The following ZCCHC7 variants were observed in gnomAD, a reference collection of about 807,000 sequenced individuals.
ZCCHC7 encodes zinc finger CCHC domain-containing protein 7.
ZCCHC7 carries 35 observed loss-of-function variants against 52.0 expected under a neutral mutation model. That is an observed-to-expected ratio of 0.67 (90% CI 0.51 to 0.89). The LOEUF is 0.89. ZCCHC7 is among the 40% of genes least tolerant of loss of function. The pLI is 0.00. For synonymous variants in ZCCHC7, 217 were observed against 221.5 expected (o/e 0.98, Z 0.18); for missense variants, 574 against 649.1 (o/e 0.88, Z 1.26).
At chr9:37,239,567 G>A (rs1056389730) in intron 2 of ZCCHC7, among the ~76,000 whole-genome samples, 1 of 152,102 alleles carries the variant, frequency 6.6e-6, no homozygotes, top group Non-Finnish European at 1.5e-5. Context: ...AAAACAGCAG[G>A]TATATCTCAG....
At chr9:37,236,679 C>T (rs552610455) in intron 2 of ZCCHC7, among the ~76,000 whole-genome samples, 1 of 152,314 alleles carries the variant, frequency 6.6e-6, no homozygotes, top group South Asian at 2.1e-4. Flanking sequence ...CAGGCGTGAG[C>T]CACTGCACCC....
intron 2 of ZCCHC7, among the ~76,000 whole-genome samples, chr9:37,208,199 C>T (rs1824024129): frequency 6.6e-6 from 1 of 152,156 alleles, no homozygotes; most frequent in Admixed American, 6.5e-5. Flanking sequence ...ATCCTCCCAC[C>T]TCATCCCCTC....
At chr9:37,269,636 A>AAC (rs1554721760) in intron 2 of ZCCHC7, among the ~76,000 whole-genome samples, 1 of 148,404 alleles carries the variant, frequency 6.7e-6, no homozygotes, top group African/African-American at 2.4e-5. Context: ...AAAAAAAAAA[A>AAC]AAAAAAAAAA....
At chr9:37,305,792 ACTAT>A in intron 5 of ZCCHC7, 78 bp downstream of exon 5, 1 of 1,487,970 alleles carries the variant, frequency 6.7e-7, no homozygotes, top group Non-Finnish European at 9.3e-7. Flanking sequence ...CAAGTTTATA[ACTAT>A]CAGTCAGCAT....
intron 2 of ZCCHC7, among the ~76,000 whole-genome samples, chr9:37,195,657 G>T (rs1456413048): frequency 6.6e-6 from 1 of 152,160 alleles, no homozygotes; most frequent in African/African-American, 2.4e-5. Flanking sequence ...CAGAAGAATA[G>T]ATAGGGAGAA....
At chr9:37,209,615 C>T (rs1824106214) in intron 2 of ZCCHC7, among the ~76,000 whole-genome samples, 1 of 152,104 alleles carries the variant, frequency 6.6e-6, no homozygotes, top group African/African-American at 2.4e-5. Context: ...TTTCACTCTA[C>T]CTGTTAAAGA....
chr9:37,250,225 G>A (rs1826262591), intron 2 of ZCCHC7, among the ~76,000 whole-genome samples: 1 of 151,594 alleles, frequency 6.6e-6, no homozygotes, highest in African/African-American at 2.4e-5. Context: ...CCTTGTCCCA[G>A]TTTGTCCAGG....
chr9:37,199,486 C>G (rs1823482000), intron 2 of ZCCHC7, among the ~76,000 whole-genome samples: 1 of 151,344 alleles, frequency 6.6e-6, no homozygotes, highest in African/African-American at 2.4e-5. Context: ...CATACACCAC[C>G]ACGCCCAGTT....
chr9:37,142,476 T>TA (rs951300205), intron 2 of ZCCHC7, among the ~76,000 whole-genome samples: 16 of 151,776 alleles, frequency 1.1e-4, no homozygotes, highest in African/African-American at 3.9e-4. Flanking sequence ...TACCAAGAAA[T>TA]AAATAGCATC....
At chr9:37,207,652 TC>T (rs1272415900) in intron 2 of ZCCHC7, among the ~76,000 whole-genome samples, 1 of 151,902 alleles carries the variant, frequency 6.6e-6, no homozygotes, top group African/African-American at 2.4e-5. Flanking sequence ...AAAAAAAAAA[TC>T]GATTTTCTGT....
chr9:37,194,585 A>C (rs1176051139), intron 2 of ZCCHC7, among the ~76,000 whole-genome samples: 1 of 152,160 alleles, frequency 6.6e-6, no homozygotes, highest in East Asian at 1.9e-4. Flanking sequence ...ATTGTGCCTT[A>C]AGCTTAAGTG....
intron 2 of ZCCHC7, among the ~76,000 whole-genome samples, chr9:37,254,564 G>A (rs1189998117): frequency 6.6e-6 from 1 of 151,858 alleles, no homozygotes; most frequent in African/African-American, 2.4e-5. Flanking sequence ...GAAGGTTTGG[G>A]TTTAAGCCCG....
chr9:37,319,088 C>G (rs1217598303), intron 5 of ZCCHC7, among the ~76,000 whole-genome samples: 3 of 151,762 alleles, frequency 2.0e-5, no homozygotes, highest in Non-Finnish European at 2.9e-5. Flanking sequence ...TAGATGTATA[C>G]TGTCTATCTT....
chr9:37,136,106 T>C (rs1043368746), intron 2 of ZCCHC7, among the ~76,000 whole-genome samples: 2 of 152,202 alleles, frequency 1.3e-5, no homozygotes, highest in Non-Finnish European at 2.9e-5. Flanking sequence ...TATCTACTTA[T>C]CTCTCAGTTC....
At chr9:37,266,523 T>C (rs890893436) in intron 2 of ZCCHC7, among the ~76,000 whole-genome samples, 2 of 152,218 alleles carry the variant, frequency 1.3e-5, no homozygotes, top group African/African-American at 2.4e-5. Flanking sequence ...ACTCCTGTTA[T>C]TAATTTTTAA....
chr9:37,287,746 A>G (rs1450229630), intron 2 of ZCCHC7, among the ~76,000 whole-genome samples: 5 of 152,154 alleles, frequency 3.3e-5, no homozygotes, highest in Non-Finnish European at 7.4e-5. Context: ...TATACTTATT[A>G]TAGGTACATT....
At chr9:37,268,892 TA>T (rs1827250199) in intron 2 of ZCCHC7, among the ~76,000 whole-genome samples, 1 of 152,188 alleles carries the variant, frequency 6.6e-6, no homozygotes, top group African/African-American at 2.4e-5. Context: ...ATGTTAGGGA[TA>T]AGAAGTGACC....
chr9:37,259,677 G>A (rs370430585), intron 2 of ZCCHC7, among the ~76,000 whole-genome samples: 2 of 152,088 alleles, frequency 1.3e-5, no homozygotes, highest in African/African-American at 2.4e-5. Flanking sequence ...AATCAGTTCT[G>A]TGTATAGATT....
intron 2 of ZCCHC7, among the ~76,000 whole-genome samples, chr9:37,148,132 T>C (rs1411579738): frequency 1.3e-5 from 2 of 152,228 alleles, no homozygotes; most frequent in East Asian, 1.9e-4. Context: ...GTGATACTGA[T>C]TGGGAACAAA....
Sources: allele counts gnomAD v4.1 joint callset (sites outside exome capture counted in the v4.1 genomes callset), GRCh38; gene constraint gnomAD v4.1.1; transcripts MANE v1.5; gene names NCBI Gene and HGNC (gene_info 2026-07-23, HGNC 2026-07-21).